The following CNTN5 variants were observed in gnomAD, a reference collection of about 807,000 sequenced individuals.
The protein encoded by CNTN5 is contactin 5, also known as contactin-5.
A neutral mutation model predicts 129.1 loss-of-function variants in CNTN5; 77 were observed. That is an observed-to-expected ratio of 0.60 (90% CI 0.50 to 0.72). The LOEUF (loss-of-function observed/expected upper bound fraction) is 0.72, where lower values mean the gene tolerates loss of function less well. Ranked by LOEUF, CNTN5 falls within the 30% of genes least tolerant of loss-of-function variation. The pLI, the probability that CNTN5 is intolerant of heterozygous loss-of-function variation, is 0.00. For synonymous variants in CNTN5, 509 were observed against 465.6 expected (o/e 1.09, Z -1.20); for missense variants, 1,478 against 1,328.8 (o/e 1.11, Z -1.75).
chr11:99,907,483 C>A (rs1301603695), intron 6 of CNTN5, among the ~76,000 whole-genome samples: 1 of 151,726 alleles, frequency 6.6e-6, no homozygotes, highest in Non-Finnish European at 1.5e-5. Flanking sequence ...TATTATTTTC[C>A]AAAAAGTGTA....
At chr11:99,535,881 A>G (rs11220351) in intron 2 of CNTN5, among the ~76,000 whole-genome samples, 12,684 of 152,186 alleles carry the variant, frequency 0.083, 615 homozygotes, top group African/African-American at 0.12. Context: ...CTAAAATATT[A>G]CTTCTTATTT....
intron 1 of CNTN5, among the ~76,000 whole-genome samples, chr11:99,300,344 A>G (rs1334036930): frequency 6.6e-6 from 1 of 151,976 alleles, no homozygotes; most frequent in African/African-American, 2.4e-5. Flanking sequence ...GCTGTATTTT[A>G]TCTAATGCTT....
intron 1 of CNTN5, among the ~76,000 whole-genome samples, chr11:99,166,951 C>T (rs1209825538): frequency 2.0e-5 from 3 of 152,060 alleles, no homozygotes; most frequent in Non-Finnish European, 2.9e-5. Flanking sequence ...TTATCCACTA[C>T]ATTTTTGTAA....
Position 99,925,363 on chromosome 11 carries a change from A to G in CNTN5, c.673+9214A>G, listed in dbSNP as rs186504524. Among the ~76,000 whole-genome samples the G allele has an allele frequency of 9.2e-5, 14 of 152,346 alleles. No individual in the cohort carries two copies. The East Asian group carries it at 2.7e-3, about 29-fold the overall frequency. ...CATCATAGAAAATAGCTGAATTTAT[A>G]AAGTAATGAGCTATATAGCGAAGCT... On this transcript the variant is annotated intron_variant, in intron 7 of 24. Transcript: ENST00000524871.
At chr11:99,032,243 T>C (rs1471141605) in intron 1 of CNTN5, among the ~76,000 whole-genome samples, 1 of 152,024 alleles carries the variant, frequency 6.6e-6, no homozygotes, top group Non-Finnish European at 1.5e-5. Flanking sequence ...GCATGTGTCT[T>C]TATAGCAGCA....
At chr11:99,792,540 T>TGG (rs1429581131) in intron 3 of CNTN5, among the ~76,000 whole-genome samples, 5 of 92,154 alleles carry the variant, frequency 5.4e-5, no homozygotes, top group Non-Finnish European at 1.2e-4. Flanking sequence ...TGAAGAGGGG[T>TGG]GTGTGTGTGT....
intron 3 of CNTN5, among the ~76,000 whole-genome samples, chr11:99,705,007 T>G (rs1954693378): frequency 6.6e-6 from 1 of 151,348 alleles, no homozygotes; most frequent in Admixed American, 6.6e-5. Flanking sequence ...GTGAATCTGC[T>G]TTTGGCATTA....
intron 3 of CNTN5, among the ~76,000 whole-genome samples, chr11:99,666,628 T>C (rs79930633): frequency 0.026 from 4,011 of 152,300 alleles, 76 homozygotes; most frequent in Non-Finnish European, 0.044. Flanking sequence ...AGAGTCTCCA[T>C]GCTCTTTGGT....
chr11:99,733,752 G>A (rs563696011), intron 3 of CNTN5, among the ~76,000 whole-genome samples: 3 of 152,188 alleles, frequency 2.0e-5, no homozygotes, highest in Non-Finnish European at 4.4e-5. Flanking sequence ...CGCCAATTAA[G>A]TGCTTACAAA....
chr11:99,227,989 A>T (rs1357004436), intron 1 of CNTN5, among the ~76,000 whole-genome samples: 1 of 152,176 alleles, frequency 6.6e-6, no homozygotes, highest in African/African-American at 2.4e-5. Context: ...TGGTAATGTA[A>T]CATTAATTCT....
In CNTN5 at chr11:100,070,697, T is replaced by C. The variant is rs944524010; in HGVS notation, c.1299+137T>C. 10 of 662,814 alleles carry C rather than the reference T, an allele frequency of 1.5e-5. No individual in the cohort carries two copies. In the African/African-American group the frequency reaches 1.8e-4, roughly 12 times the overall value. 41.1% of individuals were successfully genotyped at this position (662,814 alleles called of 1,614,324 possible). On this transcript the variant is annotated intron_variant, in intron 11 of 24. Transcript: ENST00000524871. ...TAATAGGACATGTTTGTGTTAAGGA[T>C]GAATGTTACGGGGATTAACTGAGAA...
chr11:99,192,773 G>A (rs1189298840), intron 1 of CNTN5, among the ~76,000 whole-genome samples: 1 of 151,988 alleles, frequency 6.6e-6, no homozygotes, highest in Admixed American at 6.6e-5. Context: ...TATGAACACT[G>A]AAAACAGAAA....
At chr11:99,402,622 G>A (rs1015215581) in intron 2 of CNTN5, among the ~76,000 whole-genome samples, 2 of 152,194 alleles carry the variant, frequency 1.3e-5, no homozygotes, top group Non-Finnish European at 2.9e-5. Context: ...TCCTCCTCTA[G>A]TTTCTGGAAT....
At chr11:99,647,669 A>G (rs1952015236) in intron 3 of CNTN5, among the ~76,000 whole-genome samples, 1 of 151,882 alleles carries the variant, frequency 6.6e-6, no homozygotes, top group South Asian at 2.1e-4. Flanking sequence ...GTTCATGAAT[A>G]TGAGATTTCT....
intron 3 of CNTN5, among the ~76,000 whole-genome samples, chr11:99,574,214 GTCCC>G (rs1158417187): frequency 2.6e-5 from 4 of 152,052 alleles, no homozygotes; most frequent in African/African-American, 9.7e-5. Flanking sequence ...CTTCATCCAT[GTCCC>G]TGCAAAGGAC....
chr11:99,599,164 A>G (rs1232547253), intron 3 of CNTN5, among the ~76,000 whole-genome samples: 5 of 151,996 alleles, frequency 3.3e-5, no homozygotes, highest in East Asian at 3.9e-4. Flanking sequence ...GTAAATCTCA[A>G]TTTGTTACTT....
At chr11:99,792,080 C>T (rs986300108) in intron 3 of CNTN5, among the ~76,000 whole-genome samples, 3 of 151,852 alleles carry the variant, frequency 2.0e-5, no homozygotes, top group Non-Finnish European at 4.4e-5. Context: ...TGTCAGGATG[C>T]GTTTTTTATT....
At position 99,487,301 on chromosome 11, in the gene CNTN5, C is replaced by T. The variant is rs141922969; in HGVS notation, c.-70-68844C>T. ...CCATCAGAAGAAGGATCCAGTATGA[C>T]AATTTATTCAACAAAGGAAACTGAT... On this transcript the variant is annotated intron_variant, in intron 2 of 24. Transcript: ENST00000524871. Among the ~76,000 whole-genome samples, 1,246 of 152,286 alleles carry T rather than the reference C, an allele frequency of 8.2e-3. 7 individuals carry two copies. The highest frequency in any genetic ancestry group is 0.013 in the Non-Finnish European group (911 of 68,024).
At chr11:99,178,313 TCCACACAC>T (rs1412883006) in intron 1 of CNTN5, among the ~76,000 whole-genome samples, 1 of 116,790 alleles carries the variant, frequency 8.6e-6, no homozygotes, top group Non-Finnish European at 1.8e-5. Context: ...AGACCTCATC[TCCACACAC>T]ACACACACAC....
Sources: allele counts gnomAD v4.1 joint callset (sites outside exome capture counted in the v4.1 genomes callset), GRCh38; gene constraint gnomAD v4.1.1; transcripts MANE v1.5; gene names NCBI Gene and HGNC (gene_info 2026-07-23, HGNC 2026-07-21).